Variants in SAMMSON observed in about 807,000 individuals in gnomAD.
The protein encoded by SAMMSON is long intergenic non-protein coding RNA 1212.
chr3:70,027,915 C>T (rs577400706), intron 3 of SAMMSON, among the ~76,000 whole-genome samples: 48 of 152,206 alleles, frequency 3.2e-4, no homozygotes, highest in African/African-American at 1.1e-3. Context: ...ATCTCAAAGC[C>T]GTTTTCATTT....
intron 6 of SAMMSON, among the ~76,000 whole-genome samples, chr3:70,269,931 T>G (rs1399219440): frequency 6.6e-6 from 1 of 152,018 alleles, no homozygotes; most frequent in East Asian, 1.9e-4. Context: ...AAATAAATAT[T>G]CATCTCAAGA....
chr3:70,154,386 C>G (rs775515046), intron 4 of SAMMSON, among the ~76,000 whole-genome samples: 2 of 151,988 alleles, frequency 1.3e-5, no homozygotes, highest in Non-Finnish European at 2.9e-5. Context: ...GACCATACAA[C>G]AAGTAAGTGG....
At chr3:70,372,018 A>G (rs1248090031) in intron 9 of SAMMSON, among the ~76,000 whole-genome samples, 1 of 152,114 alleles carries the variant, frequency 6.6e-6, no homozygotes, top group East Asian at 1.9e-4. Flanking sequence ...TTCTGCACCT[A>G]GCCTGTTGAG....
At chr3:70,155,003 A>G in intron 4 of SAMMSON, among the ~76,000 whole-genome samples, 1 of 151,970 alleles carries the variant, frequency 6.6e-6, no homozygotes, top group Admixed American at 6.6e-5. Flanking sequence ...AGATCACTTG[A>G]TAACATTTCA....
chr3:70,313,983 G>T (rs1374715084), intron 7 of SAMMSON, among the ~76,000 whole-genome samples: 1 of 152,084 alleles, frequency 6.6e-6, no homozygotes, highest in Non-Finnish European at 1.5e-5. Flanking sequence ...TCCTTGGAGG[G>T]ACTTGCTTCT....
chr3:70,396,602 C>T (rs1401495718), intron 2 of SAMMSON, among the ~76,000 whole-genome samples: 1 of 152,108 alleles, frequency 6.6e-6, no homozygotes, highest in African/African-American at 2.4e-5. Context: ...CTATAACCAA[C>T]CAAATTAAGG....
chr3:70,261,958 C>T (rs918531385), intron 6 of SAMMSON, among the ~76,000 whole-genome samples: 1 of 152,154 alleles, frequency 6.6e-6, no homozygotes. Context: ...CTCTGCCCTG[C>T]CAGCACTTCT....
intron 4 of SAMMSON, among the ~76,000 whole-genome samples, chr3:70,214,485 T>C (rs1701385537): frequency 6.6e-6 from 1 of 151,726 alleles, no homozygotes; most frequent in South Asian, 2.1e-4. Flanking sequence ...TAGAAGTGAG[T>C]GTTCAAGGTG....
intron 4 of SAMMSON, among the ~76,000 whole-genome samples, chr3:70,082,253 CA>C (rs1369623127): frequency 2.6e-5 from 4 of 152,158 alleles, no homozygotes; most frequent in African/African-American, 9.7e-5. Context: ...TCTGGTAACA[CA>C]ATGGGAGAGA....
At chr3:70,402,399 T>C (rs1701147561) in intron 2 of SAMMSON, among the ~76,000 whole-genome samples, 1 of 152,196 alleles carries the variant, frequency 6.6e-6, no homozygotes, top group Admixed American at 6.5e-5. Flanking sequence ...GCCTTATAAA[T>C]GTTTTCTTAA....
At chr3:70,103,594 A>T (rs144768758) in intron 4 of SAMMSON, among the ~76,000 whole-genome samples, 3 of 152,190 alleles carry the variant, frequency 2.0e-5, no homozygotes, top group Non-Finnish European at 4.4e-5. Flanking sequence ...ACAAGTTGTC[A>T]TCTAGTTTCT....
intron 3 of SAMMSON, among the ~76,000 whole-genome samples, chr3:70,034,044 C>G (rs2107584564): frequency 6.6e-6 from 1 of 151,958 alleles, no homozygotes; most frequent in African/African-American, 2.4e-5. Context: ...AAAAATGGAG[C>G]TAGAGATAGA....
intron 4 of SAMMSON, among the ~76,000 whole-genome samples, chr3:70,175,738 C>T (rs4334612): frequency 0.39 from 58,504 of 151,794 alleles, 11,740 homozygotes; most frequent in East Asian, 0.67. Flanking sequence ...GTGATAATGG[C>T]TTAGAATGAC....
At chr3:70,251,371 C>T (rs1297401112) in intron 6 of SAMMSON, among the ~76,000 whole-genome samples, 2 of 152,146 alleles carry the variant, frequency 1.3e-5, no homozygotes, top group African/African-American at 4.8e-5. Flanking sequence ...AATAGGGGGA[C>T]TATCTGATTT....
At position 70,135,908 on chromosome 3, in the gene SAMMSON, A is replaced by G. The variant is rs1364698497; in HGVS notation, n.507+64343A>G. 2.0e-5 allele frequency among the ~76,000 whole-genome samples: 3 copies of G among 148,344 alleles called. No individual in the cohort carries two copies. In the Admixed American group the frequency reaches 2.0e-4, roughly 10 times the overall value. On this transcript the variant is annotated intron_variant and non_coding_transcript_variant, in intron 4 of 9. Transcript: ENST00000642114. The stretch of plus-strand genomic sequence containing the variant: ...GAGCATGTGGCTTATGCAGCTAGAT[A>G]ATTTGCTTTTATAAAATACCCTGTG...
At chr3:70,145,001 T>A (rs1351255556) in intron 4 of SAMMSON, among the ~76,000 whole-genome samples, 7 of 152,162 alleles carry the variant, frequency 4.6e-5, no homozygotes, top group African/African-American at 1.7e-4. Context: ...GCCCACCAAC[T>A]AATTCTTAGG....
At chr3:70,313,026 T>G (rs576499362) in intron 7 of SAMMSON, among the ~76,000 whole-genome samples, 15 of 152,200 alleles carry the variant, frequency 9.9e-5, no homozygotes, top group Non-Finnish European at 2.1e-4. Context: ...GTTGATAGTT[T>G]GAAAAGTGAG....
At chr3:70,142,573 A>G (rs1046186887) in intron 4 of SAMMSON, among the ~76,000 whole-genome samples, 8 of 152,132 alleles carry the variant, frequency 5.3e-5, no homozygotes, top group Non-Finnish European at 1.2e-4. Flanking sequence ...AAAAGACTAC[A>G]AATTGGGTGC....
chr3:70,232,701 A>G (rs1275421460), intron 4 of SAMMSON, among the ~76,000 whole-genome samples: 3 of 152,144 alleles, frequency 2.0e-5, no homozygotes, highest in Non-Finnish European at 4.4e-5. Flanking sequence ...CCCCTCAACA[A>G]GAGAGGTAAT....
Sources: allele counts gnomAD v4.1 joint callset (sites outside exome capture counted in the v4.1 genomes callset), GRCh38; gene constraint gnomAD v4.1.1; transcripts MANE v1.5; gene names NCBI Gene and HGNC (gene_info 2026-07-23, HGNC 2026-07-21).